TICRR: variants seen among roughly 807,000 people sequenced by gnomAD.
TICRR encodes treslin.
Under a neutral mutation model 178.1 loss-of-function variants are expected in TICRR, and 132 were observed. The ratio of observed to expected loss-of-function variants is 0.74; its 90% confidence interval spans 0.64 to 0.86. The LOEUF (loss-of-function observed/expected upper bound fraction) is 0.86. Among genes scored for constraint, TICRR ranks in the 40% least tolerant of loss-of-function variants. The probability of loss-of-function intolerance (pLI) is 0.00; values close to 1 mark genes in which losing one functional copy is unlikely to be tolerated. For missense variants in TICRR, 2,587 were observed against 2,334.3 expected, an observed-to-expected ratio of 1.11 and a Z score of -2.23; for synonymous variants, 991 against 900.7, an observed-to-expected ratio of 1.10 and a Z score of -1.79.
chr15:89,608,767 G>A lies in TICRR; in HGVS notation c.2723-36G>A, dbSNP rs769237624. ...CGGCATTTATTGATGATAATCTTTG[G>A]GTTTTTCTTTTTCTTTTAATTTTTG... On this transcript the variant is annotated intron_variant, in intron 14 of 21. Coordinates refer to ENST00000268138, the MANE Select transcript of TICRR (RefSeq NM_152259.4). The A allele has an allele frequency of 3.3e-6, 5 of 1,537,236 alleles. No individual in the cohort carries two copies. In the African/African-American group the frequency reaches 5.7e-5, roughly 18 times the overall value.
At chr15:89,622,883 G>A (rs1007837453) in intron 19 of TICRR, among the ~76,000 whole-genome samples, 1 of 152,218 alleles carries the variant, frequency 6.6e-6, no homozygotes, top group Non-Finnish European at 1.5e-5. Context: ...GGCTGGGTTA[G>A]GCAGCCCTTC....
intron 16 of TICRR, 87 bp from the exon 17 acceptor site, chr15:89,618,065 T>C (rs1460791117): frequency 1.5e-6 from 2 of 1,317,988 alleles, no homozygotes; most frequent in Non-Finnish European, 2.2e-6. Flanking sequence ...ATCTTTGTGA[T>C]CTTGTTAAGT....
chr15:89,594,655 TAAAG>T (rs1962967103), intron 6 of TICRR, 101 bp downstream of exon 6: 15 of 1,012,578 alleles, frequency 1.5e-5, no homozygotes, highest in South Asian at 1.2e-4. Flanking sequence ...GGTAACTAAA[TAAAG>T]AAGGGCAAAT....
Position 89,601,300 on chromosome 15 carries a change from G to T in TICRR, c.2156G>T (p.Cys719Phe). 6.2e-7 allele frequency: 1 copy of T among 1,613,822 alleles called. No individual in the cohort carries two copies. The highest frequency in any genetic ancestry group is 8.5e-7 in the Non-Finnish European group (1 of 1,179,870). ...KLDKEDKVRE[C>F]QLQVFLRLEM... ...ACCAAGTATTTTTTTCTCTCAAGGT[G>T]CCAGCTTCAGGTATTTCTTCGTTTG... The change falls in exon 10 of 22, where the codon TGC becomes TTC. Residue 719 changes from cysteine to phenylalanine, a missense_variant and splice_region_variant. Cys to Phe is a radical substitution (Grantham distance 205). Transcript: ENST00000268138.
chr15:89,595,699 G>A, intron 7 of TICRR, 88 bp downstream of exon 7: 1 of 869,084 alleles, frequency 1.2e-6, no homozygotes, highest in Non-Finnish European at 1.8e-6. Flanking sequence ...TTGACTATCT[G>A]CTACATGCAC....
intron 13 of TICRR, among the ~76,000 whole-genome samples, chr15:89,604,842 T>C (rs1438616319): frequency 1.3e-5 from 2 of 151,698 alleles, no homozygotes; most frequent in Non-Finnish European, 2.9e-5. Context: ...TCAAAGTTGG[T>C]ACCATAGATA....
rs1962612532 is a variant in TICRR, at chr15:89,576,248, A to G, written c.654+8A>G. The G allele has an allele frequency of 6.5e-7, 1 of 1,538,126 alleles. No individual in the cohort carries two copies. The highest frequency in any genetic ancestry group is 8.7e-7 in the Non-Finnish European group (1 of 1,147,594). On this transcript the variant is annotated splice_region_variant and intron_variant, in intron 1 of 21. Transcript: ENST00000268138. ...ACCACCGAATGGTCTAAGGTAAGGAAGGTTACTGTCGTCTCAGATGGCGTG... is the reference window on the plus strand; with the variant it reads ...ACCACCGAATGGTCTAAGGTAAGGAGGGTTACTGTCGTCTCAGATGGCGTG...
At chr15:89,605,957 A>G (rs1963170044) in intron 13 of TICRR, among the ~76,000 whole-genome samples, 1 of 152,214 alleles carries the variant, frequency 6.6e-6, no homozygotes, top group Non-Finnish European at 1.5e-5. Context: ...TTCTGAGAGT[A>G]TAGCCTCCCT....
intron 5 of TICRR, among the ~76,000 whole-genome samples, chr15:89,593,589 C>T (rs62023133): frequency 0.049 from 7,499 of 152,198 alleles, 219 homozygotes; most frequent in East Asian, 0.096. Context: ...GTCTGCAGTC[C>T]CAGCTACTTG....
chr15:89,607,074 G>A (rs1421670216), intron 14 of TICRR, among the ~76,000 whole-genome samples: 1 of 152,060 alleles, frequency 6.6e-6, no homozygotes, highest in Non-Finnish European at 1.5e-5. Flanking sequence ...AAAGCTGGAA[G>A]AAAGGAAAAA....
In TICRR at chr15:89,575,880, C is replaced by T. The variant is rs1357796292; in HGVS notation, c.294C>T (p.Thr98=). ...AHLPGPAPRA[T]HTHGALMETL... ...TGCCCGGCCCGGCGCCCAGGGCCAC[C>T]CACACGCACGGCGCCCTGATGGAGA... Residue 98 remains threonine, a synonymous_variant, in exon 1 of 22, where the codon ACC becomes ACT. Coordinates refer to ENST00000268138, the MANE Select transcript of TICRR (RefSeq NM_152259.4). The T allele has an allele frequency of 6.3e-7, 1 of 1,587,068 alleles. No individual in the cohort carries two copies. The highest frequency in any genetic ancestry group is 8.6e-7 in the Non-Finnish European group (1 of 1,169,238).
At chr15:89,611,091 T>C (rs1012913965) in intron 15 of TICRR, among the ~76,000 whole-genome samples, 4 of 152,164 alleles carry the variant, frequency 2.6e-5, no homozygotes, top group Non-Finnish European at 4.4e-5. Context: ...GGCTTTTATA[T>C]TTATCTGTCT....
Position 89,602,854 on chromosome 15 carries a change from A to G in TICRR, c.2626A>G (p.Ile876Val). 1 of 1,532,846 alleles carries G rather than the reference A, an allele frequency of 6.5e-7. No homozygotes were observed. The highest frequency in any genetic ancestry group is 8.8e-7 in the Non-Finnish European group (1 of 1,141,460). 95.0% of individuals were successfully genotyped at this position (1,532,846 alleles called of 1,614,324 possible). Reference protein sequence around the residue: ...IAEVSQNLRQIEIPKVSKRAT... With the variant: ...IAEVSQNLRQVEIPKVSKRAT... ...TGAGGTTTCACAGAATCTTCGACAA[A>G]TTGAAATTCCTAAAGTGTCAAAGAG... Residue 876 changes from isoleucine to valine, a missense_variant, in exon 13 of 22, where the codon ATT becomes GTT. Transcript: ENST00000268138.
chr15:89,588,282 G>T (rs116365106), intron 4 of TICRR, among the ~76,000 whole-genome samples: 3 of 152,162 alleles, frequency 2.0e-5, no homozygotes, highest in Non-Finnish European at 4.4e-5. Flanking sequence ...CGGGATAGTC[G>T]TGAAGGTAAA....
In TICRR at chr15:89,617,954, G is replaced by C. The variant is rs145635340; in HGVS notation, c.2961-198G>C. 1.4e-4 allele frequency: 90 copies of C among 631,310 alleles called. No homozygotes were observed. In the African/African-American group the frequency reaches 1.5e-3, roughly 10 times the overall value. The allele number at this position is 631,310 out of a possible 1,614,324, so 39.1% of individuals were successfully genotyped here. A position where few individuals can be genotyped will look rare whatever the true frequency, so the allele number is the denominator to read the frequency against. On this transcript the variant is annotated intron_variant, in intron 16 of 21. Coordinates refer to ENST00000268138, the MANE Select transcript of TICRR (RefSeq NM_152259.4). ...TGATCCGCCCGCCTTAGCCTCCTAA[G>C]GTGCTGGGATTACAGGCGTGAGACA...
chr15:89,625,050 C>T lies in TICRR; in HGVS notation c.4740C>T (p.Pro1580=), dbSNP rs1963494173. The T allele has an allele frequency of 2.5e-6, 4 of 1,613,922 alleles. No individual in the cohort carries two copies. The highest frequency in any genetic ancestry group is 1.3e-5 in the African/African-American group (1 of 74,910). The change falls in exon 20 of 22, where the codon CCC becomes CCT. Residue 1580 remains proline (P), a synonymous_variant. Transcript: ENST00000268138. ...AACTTCGAATTAAGAAGATAGACCC[C>T]AGCTCTTCATTAGAGGCTGAGCCCC... The part of the protein sequence containing the change: ...LPKLRIKKID[P]SSSLEAEPLS...
rs758823622 is a variant in TICRR, at chr15:89,625,238, T to C, written c.4928T>C (p.Ile1643Thr). The C allele has an allele frequency of 6.2e-7, 1 of 1,613,592 alleles. No homozygotes were observed. The highest frequency in any genetic ancestry group is 8.5e-7 in the Non-Finnish European group (1 of 1,179,764). Residue 1643 changes from isoleucine (I) to threonine (T), a missense_variant, in exon 20 of 22, where the codon ATC becomes ACC. Transcript: ENST00000268138. ...TPGKSRGQTYICQACTPTHGP... is the reference protein window; with the variant it reads ...TPGKSRGQTYTCQACTPTHGP... ...GGCAAGAGCAGGGGGCAAACCTACA[T>C]CTGCCAGGCCTGTACCCCCACCCAC...
Position 89,585,962 on chromosome 15 carries a change from A to C in TICRR, c.1411+20A>C. 6.3e-7 allele frequency: 1 copy of C among 1,598,210 alleles called. No individual in the cohort carries two copies. Among genetic ancestry groups the C allele is most frequent in the Non-Finnish European group, 8.6e-7 (1 of 1,165,880 alleles). ...CTGCTGGTAAGCTCCTAAACTAGTA[A>C]CTAACAGAGTCTAGGGTGGTTTGCA... is the stretch of plus-strand genomic sequence containing the variant. On this transcript the variant is annotated intron_variant, in intron 4 of 21. Transcript: ENST00000268138.
At chr15:89,609,836 T>G (rs1301084486) in intron 15 of TICRR, among the ~76,000 whole-genome samples, 3 of 152,184 alleles carry the variant, frequency 2.0e-5, no homozygotes, top group Non-Finnish European at 2.9e-5. Flanking sequence ...GGTTTTTGTT[T>G]GCTCTTTTTC....
Sources: allele counts gnomAD v4.1 joint callset (sites outside exome capture counted in the v4.1 genomes callset), GRCh38; gene constraint gnomAD v4.1.1; transcripts MANE v1.5; gene names NCBI Gene and HGNC (gene_info 2026-07-23, HGNC 2026-07-21).